ALDH1A2: variants seen among roughly 807,000 people sequenced by gnomAD.
The protein encoded by ALDH1A2 is retinal dehydrogenase 2.
Under a neutral mutation model 60.3 loss-of-function variants are expected in ALDH1A2, and 27 were observed. The observed-to-expected ratio is 0.45, with a 90% confidence interval of 0.33 to 0.62. The LOEUF (loss-of-function observed/expected upper bound fraction) is 0.62. ALDH1A2 is among the 20% of genes least tolerant of loss of function. The probability of loss-of-function intolerance (pLI) is 0.02; values close to 1 mark genes in which losing one functional copy is unlikely to be tolerated. For synonymous variants in ALDH1A2, 289 were observed against 232.4 expected (o/e 1.24, Z -2.21); for missense variants, 581 against 643.8 (o/e 0.90, Z 1.06).
intron 4 of ALDH1A2, among the ~76,000 whole-genome samples, chr15:58,003,923 TG>T (rs1385989018): frequency 6.6e-6 from 1 of 151,868 alleles, no homozygotes; most frequent in Non-Finnish European, 1.5e-5. Flanking sequence ...ATGGCTCCAT[TG>T]GGTACCATGG....
chr15:57,962,704 C>A (rs1893764875), intron 9 of ALDH1A2, among the ~76,000 whole-genome samples: 1 of 148,812 alleles, frequency 6.7e-6, no homozygotes, highest in African/African-American at 2.5e-5. Flanking sequence ...CTTCCTAGTC[C>A]AAAAAAAAAC....
At chr15:57,960,484 A>G (rs750641775) in intron 12 of ALDH1A2, among the ~76,000 whole-genome samples, 5 of 152,048 alleles carry the variant, frequency 3.3e-5, no homozygotes, top group Admixed American at 2.0e-4. Context: ...AAATTAATTG[A>G]TTTTTCTCTG....
chr15:58,042,057 C>A (rs116797797), intron 1 of ALDH1A2, among the ~76,000 whole-genome samples: 2,378 of 151,942 alleles, frequency 0.016, 61 homozygotes, highest in African/African-American at 0.048. Flanking sequence ...TGATTTTTGG[C>A]GAGACACAAA....
intron 1 of ALDH1A2, among the ~76,000 whole-genome samples, chr15:58,045,338 A>G (rs1302490291): frequency 1.3e-5 from 2 of 151,776 alleles, no homozygotes; most frequent in African/African-American, 4.8e-5. Context: ...CAGTGTGTCG[A>G]CTCCTCAAGG....
At chr15:58,052,765 G>C (rs1245942632) in intron 1 of ALDH1A2, among the ~76,000 whole-genome samples, 2 of 152,124 alleles carry the variant, frequency 1.3e-5, no homozygotes, top group African/African-American at 4.8e-5. Flanking sequence ...GTCTTCTAAT[G>C]CCCTGTCCAG....
chr15:58,050,161 T>TA (rs1180105785), intron 1 of ALDH1A2, among the ~76,000 whole-genome samples: 1 of 151,614 alleles, frequency 6.6e-6, no homozygotes, highest in Non-Finnish European at 1.5e-5. Context: ...ACAATGGGCT[T>TA]AGTTGCCCTA....
intron 1 of ALDH1A2, among the ~76,000 whole-genome samples, chr15:58,033,482 T>G (rs1297119590): frequency 6.6e-6 from 1 of 151,900 alleles, no homozygotes; most frequent in African/African-American, 2.4e-5. Flanking sequence ...TCATGCATAT[T>G]TAACAACTTC....
chr15:58,057,711 T>C (rs1406834797), intron 1 of ALDH1A2, among the ~76,000 whole-genome samples: 1 of 152,184 alleles, frequency 6.6e-6, no homozygotes, highest in African/African-American at 2.4e-5. Flanking sequence ...CAATAGCTAC[T>C]GTGTGCATGA....
intron 7 of ALDH1A2, among the ~76,000 whole-genome samples, chr15:57,979,531 G>A (rs1032462580): frequency 1.3e-5 from 2 of 152,118 alleles, no homozygotes; most frequent in African/African-American, 4.8e-5. Context: ...ACAGCCTGGT[G>A]GCTCATTCCT....
chr15:57,956,181 G>C (rs773363390), intron 12 of ALDH1A2, among the ~76,000 whole-genome samples: 1 of 152,166 alleles, frequency 6.6e-6, no homozygotes, highest in Non-Finnish European at 1.5e-5. Context: ...CACAAAGAAG[G>C]TACCTGATGA....
intron 4 of ALDH1A2, among the ~76,000 whole-genome samples, chr15:57,997,050 T>C (rs1192194262): frequency 2.6e-5 from 4 of 152,068 alleles, no homozygotes; most frequent in Non-Finnish European, 5.9e-5. Flanking sequence ...GACTTTGTTT[T>C]ATGTATATTT....
At chr15:58,046,779 C>G (rs1329067430) in intron 1 of ALDH1A2, among the ~76,000 whole-genome samples, 1 of 152,018 alleles carries the variant, frequency 6.6e-6, no homozygotes, top group African/African-American at 2.4e-5. Context: ...TTTGGTTTCC[C>G]CCACATCTTA....
At chr15:58,031,768 C>G (rs373314737) in intron 1 of ALDH1A2, among the ~76,000 whole-genome samples, 2 of 152,108 alleles carry the variant, frequency 1.3e-5, no homozygotes, top group African/African-American at 4.8e-5. Context: ...TCATCACCAC[C>G]GGTCATCAGA....
intron 1 of ALDH1A2, among the ~76,000 whole-genome samples, chr15:58,021,317 T>C (rs1215087825): frequency 2.6e-5 from 4 of 152,154 alleles, no homozygotes; most frequent in African/African-American, 9.7e-5. Flanking sequence ...TCAAATATAT[T>C]ATCCAAGAGA....
At chr15:58,050,932 C>T (rs1275169083) in intron 1 of ALDH1A2, among the ~76,000 whole-genome samples, 3 of 152,172 alleles carry the variant, frequency 2.0e-5, no homozygotes, top group African/African-American at 7.2e-5. Context: ...CAATGCATAT[C>T]CTAAGGTTGA....
intron 1 of ALDH1A2, among the ~76,000 whole-genome samples, chr15:58,062,992 T>C (rs1244062710): frequency 1.3e-5 from 2 of 152,214 alleles, no homozygotes; most frequent in East Asian, 1.9e-4. Context: ...TTAATTCTGG[T>C]CATCTCCCCC....
intron 3 of ALDH1A2, among the ~76,000 whole-genome samples, chr15:58,012,660 A>T: frequency 6.6e-6 from 1 of 152,218 alleles, no homozygotes; most frequent in East Asian, 1.9e-4. Flanking sequence ...ATATTTTTAT[A>T]TACACATAAA....
intron 1 of ALDH1A2, among the ~76,000 whole-genome samples, chr15:58,060,316 G>C (rs1461002266): frequency 6.6e-6 from 1 of 152,098 alleles, no homozygotes. Context: ...AAATGCAATA[G>C]AATTTTGGCT....
chr15:58,061,835 G>A (rs925680628), intron 1 of ALDH1A2, among the ~76,000 whole-genome samples: 22 of 152,126 alleles, frequency 1.4e-4, no homozygotes, highest in Admixed American at 9.8e-4. Context: ...CTATAAAAAT[G>A]TAAGTGGCAT....
Sources: allele counts gnomAD v4.1 joint callset (sites outside exome capture counted in the v4.1 genomes callset), GRCh38; gene constraint gnomAD v4.1.1; transcripts MANE v1.5; gene names NCBI Gene and HGNC (gene_info 2026-07-23, HGNC 2026-07-21).